KIF1B: variants seen among roughly 807,000 people sequenced by gnomAD.
KIF1B encodes kinesin family member 1B.
In KIF1B, 76 loss-of-function variants were observed where a neutral mutation model predicts 241.9. The observed-to-expected ratio is 0.31, with a 90% CI of 0.26 to 0.38. The LOEUF is 0.38. Ranked by LOEUF, KIF1B falls within the 10% of genes least tolerant of loss-of-function variation. The pLI is 1.00. For synonymous variants in KIF1B, 750 were observed against 796.7 expected, an observed-to-expected ratio of 0.94 and a Z score of 0.99; for missense variants, 1,622 against 2,271.4, an observed-to-expected ratio of 0.71 and a Z score of 5.81.
At chr1:10,276,908 C>G (rs1229509881) in intron 12 of KIF1B, among the ~76,000 whole-genome samples, 1 of 151,944 alleles carries the variant, frequency 6.6e-6, no homozygotes, top group Non-Finnish European at 1.5e-5. Flanking sequence ...TGATGAAACC[C>G]CATCTCTACT....
At chr1:10,317,768 T>A (rs1376118003) in intron 22 of KIF1B, among the ~76,000 whole-genome samples, 1 of 150,538 alleles carries the variant, frequency 6.6e-6, no homozygotes, top group African/African-American at 2.5e-5. Flanking sequence ...GAGGCAGAGG[T>A]TGTGGTGAGC....
intron 22 of KIF1B, among the ~76,000 whole-genome samples, chr1:10,300,416 G>A (rs1650483294): frequency 6.6e-6 from 1 of 151,660 alleles, no homozygotes; most frequent in Non-Finnish European, 1.5e-5. Flanking sequence ...AGTCAAAATG[G>A]CAGTATTTTA....
Position 10,378,306 on chromosome 1 carries a change from C to G in KIF1B, c.*1719C>G, listed in dbSNP as rs936824676. The G allele has an allele frequency of 4.2e-6, 3 of 717,656 alleles. No individual in the cohort carries two copies. The highest frequency in any genetic ancestry group is 1.7e-5 in the African/African-American group (1 of 57,252). The allele number at this position is 717,656 out of a possible 1,614,324, so 44.5% of individuals were successfully genotyped here. A position where few individuals can be genotyped will look rare whatever the true frequency, so the allele number is the denominator to read the frequency against. ...CACTGCCCAGGGAGAAAGGAGGAAG[C>G]TCACTGTGGACAGTCTTCTTTCCTT... is the stretch of plus-strand genomic sequence containing the variant. On this transcript the variant is annotated 3_prime_UTR_variant, in exon 49 of 49. Coordinates refer to ENST00000676179, the MANE Select transcript of KIF1B (RefSeq NM_001365951.3).
intron 2 of KIF1B, among the ~76,000 whole-genome samples, chr1:10,233,101 C>A (rs78878600): frequency 0.017 from 2,569 of 152,254 alleles, 79 homozygotes; most frequent in African/African-American, 0.058. Flanking sequence ...CTTTCAGGCA[C>A]AAGTTACTGC....
chr1:10,274,719 GGA>G (rs1649007884), intron 10 of KIF1B, among the ~76,000 whole-genome samples: 2 of 149,868 alleles, frequency 1.3e-5, no homozygotes, highest in East Asian at 3.9e-4. Flanking sequence ...TAAAAATTGA[GGA>G]TGGGGTATTT....
chr1:10,263,301 AAAG>A (rs1478366953), intron 5 of KIF1B, among the ~76,000 whole-genome samples: 1 of 151,662 alleles, frequency 6.6e-6, no homozygotes, highest in Non-Finnish European at 1.5e-5. Flanking sequence ...AAATAAATAA[AAAG>A]AAGAAGCTGC....
chr1:10,291,108 GAA>G lies in KIF1B; in HGVS notation c.1462_1463del (p.Asn488Ter). On this transcript the variant is annotated frameshift_variant, in exon 16 of 49. Coordinates refer to ENST00000676179, the MANE Select transcript of KIF1B (RefSeq NM_001365951.3). LOFTEE classifies it high-confidence loss of function. Reference sequence around the variant, plus strand: ...AATCAGAGAAGATCATTGCTGAGTTGAATGAAACTTGGGAAGAGAAGCTTCGT... The same window carrying G: ...AATCAGAGAAGATCATTGCTGAGTTGTGAAACTTGGGAAGAGAAGCTTCGT... The part of the protein sequence containing the change: ...KESEKIIAEL[N>X]ETWEEKLRKT... 1 of 1,613,510 alleles carries G rather than the reference GAA, an allele frequency of 6.2e-7. No homozygotes were observed. The highest frequency in any genetic ancestry group is 8.5e-7 in the Non-Finnish European group (1 of 1,179,648).
chr1:10,329,940 G>A (rs191451660), intron 27 of KIF1B, among the ~76,000 whole-genome samples: 1 of 152,250 alleles, frequency 6.6e-6, no homozygotes, highest in East Asian at 1.9e-4. Flanking sequence ...GGGTTAAAAG[G>A]GGGTTAAAGA....
chr1:10,339,958 G>A, intron 32 of KIF1B, 99 bp downstream of exon 32: 1 of 982,704 alleles, frequency 1.0e-6, no homozygotes, highest in Non-Finnish European at 1.6e-6. Flanking sequence ...GTCACTGGCT[G>A]TGCAGGGGGA....
At chr1:10,218,856 A>C (rs1427246210) in intron 1 of KIF1B, among the ~76,000 whole-genome samples, 1 of 152,188 alleles carries the variant, frequency 6.6e-6, no homozygotes, top group East Asian at 1.9e-4. Context: ...TTATTTATTT[A>C]TAATTTATAC....
chr1:10,238,242 G>A (rs1292290817), intron 2 of KIF1B, among the ~76,000 whole-genome samples: 2 of 150,720 alleles, frequency 1.3e-5, no homozygotes, highest in Admixed American at 6.6e-5. Flanking sequence ...TTAGCCAGGT[G>A]TGGTGGTGGG....
intron 35 of KIF1B, 49 bp downstream of exon 35, chr1:10,346,002 A>C (rs771654812): frequency 3.4e-6 from 4 of 1,191,634 alleles, no homozygotes; most frequent in Non-Finnish European, 5.0e-6. Flanking sequence ...GTTTCAAATT[A>C]GGAAATGCAA....
chr1:10,213,988 A>AT (rs1305941996), intron 1 of KIF1B, among the ~76,000 whole-genome samples: 2 of 151,878 alleles, frequency 1.3e-5, no homozygotes. Flanking sequence ...AAAAAAAAAA[A>AT]TCTGGATGTG....
chr1:10,304,711 A>G, intron 22 of KIF1B: 1 of 1,597,622 alleles, frequency 6.3e-7, no homozygotes, highest in Non-Finnish European at 8.5e-7. Context: ...TCATGATTTG[A>G]TTTGGTTCTA....
rs777794908 is a variant in KIF1B, at chr1:10,296,876, T to C, written c.1862-21T>C. On this transcript the variant is annotated intron_variant, in intron 20 of 48. Transcript: ENST00000676179. The stretch of plus-strand genomic sequence containing the variant: ...TATTAAAAAAATTATTTCTTAACCC[T>C]ATTTTTCTGTTTTGTGCTAGGAAAC... The C allele has an allele frequency of 1.4e-5, 22 of 1,609,572 alleles. No individual in the cohort carries two copies. The South Asian group carries it at 2.2e-4, about 16-fold the overall frequency.
intron 2 of KIF1B, among the ~76,000 whole-genome samples, chr1:10,244,610 C>G (rs1479135319): frequency 4.7e-4 from 67 of 142,790 alleles, no homozygotes; most frequent in African/African-American, 1.7e-3. Flanking sequence ...CCGCGCCCGG[C>G]CCTCCTTTTT....
intron 38 of KIF1B, among the ~76,000 whole-genome samples, chr1:10,359,840 C>T (rs1197647497): frequency 6.6e-6 from 1 of 151,880 alleles, no homozygotes; most frequent in Admixed American, 6.6e-5. Context: ...TTGAGACCAG[C>T]CTGGCCAACA....
chr1:10,214,310 G>A (rs1206228007), intron 1 of KIF1B, among the ~76,000 whole-genome samples: 1 of 149,438 alleles, frequency 6.7e-6, no homozygotes, highest in Non-Finnish European at 1.5e-5. Flanking sequence ...TTTTTTTTAA[G>A]ACAGAGTCTC....
At chr1:10,371,493 T>G (rs1406340644) in intron 45 of KIF1B, among the ~76,000 whole-genome samples, 1 of 152,242 alleles carries the variant, frequency 6.6e-6, no homozygotes, top group Non-Finnish European at 1.5e-5. Flanking sequence ...CATGACTGTC[T>G]TCTTCATCCC....
Sources: gnomAD v4.1 joint callset for allele counts (sites outside exome capture counted in the v4.1 genomes callset) on GRCh38, gnomAD v4.1.1 for gene constraint, MANE v1.5 for transcripts, NCBI Gene and HGNC (gene_info 2026-07-23, HGNC 2026-07-21) for gene names.